CENPO: variants seen among roughly 807,000 people sequenced by gnomAD.
CENPO encodes centromeric protein O.
CENPO carries 30 observed loss-of-function variants against 36.1 expected under a neutral mutation model. The observed-to-expected ratio is 0.83, with a 90% confidence interval of 0.62 to 1.13. The LOEUF (loss-of-function observed/expected upper bound fraction) is 1.13. Among genes scored for constraint, CENPO ranks in the 50% most tolerant of loss-of-function variants. The pLI is 0.00. For synonymous variants in CENPO, 171 were observed against 142.3 expected (o/e 1.20, Z -1.44); for missense variants, 349 against 357.8 (o/e 0.98, Z 0.20).
intron 2 of CENPO, 121 bp downstream of exon 2, chr2:24,794,086 G>A (rs962305357): frequency 7.5e-6 from 6 of 800,872 alleles, no homozygotes; most frequent in Non-Finnish European, 1.3e-5. Flanking sequence ...AATAGTGAAA[G>A]GAACTAACAT....
intron 6 of CENPO, among the ~76,000 whole-genome samples, chr2:24,817,443 T>C (rs1666990272): frequency 8.2e-6 from 1 of 121,902 alleles, no homozygotes; most frequent in Non-Finnish European, 1.6e-5. Context: ...ATTGGTCCAG[T>C]AAGGGGCAGC....
intron 2 of CENPO, 146 bp downstream of exon 2, chr2:24,794,111 C>T (rs1237394518): frequency 1.4e-6 from 1 of 710,466 alleles, no homozygotes; most frequent in Non-Finnish European, 2.5e-6. Flanking sequence ...GACAAAGGGA[C>T]AGGCAGCCAA....
intron 3 of CENPO, among the ~76,000 whole-genome samples, chr2:24,813,460 A>C (rs1666795150): frequency 6.6e-6 from 1 of 152,054 alleles, no homozygotes; most frequent in Non-Finnish European, 1.5e-5. Context: ...TGGGTCTATT[A>C]AGGCTCCTGT....
chr2:24,801,289 C>G (rs1180326392), intron 3 of CENPO, among the ~76,000 whole-genome samples: 2 of 152,182 alleles, frequency 1.3e-5, no homozygotes, highest in Non-Finnish European at 2.9e-5. Context: ...CCTGTTCACT[C>G]TGATGGTAGT....
At chr2:24,795,633 G>C (rs930373962) in intron 2 of CENPO, among the ~76,000 whole-genome samples, 28 of 152,184 alleles carry the variant, frequency 1.8e-4, no homozygotes. Context: ...ACTTATCTCA[G>C]AAACTTTGGG....
chr2:24,800,233 C>T (rs969456444), intron 3 of CENPO, among the ~76,000 whole-genome samples: 4 of 152,136 alleles, frequency 2.6e-5, no homozygotes, highest in African/African-American at 7.2e-5. Flanking sequence ...GAGCTGAGAT[C>T]GAGCCACTGC....
At chr2:24,814,620 T>A (rs1666855255) in intron 4 of CENPO, 127 bp downstream of exon 4, 6 of 545,520 alleles carry the variant, frequency 1.1e-5, no homozygotes, top group Admixed American at 2.9e-5. Flanking sequence ...CCCTCATCAC[T>A]CACACACACA....
chr2:24,793,851 G>C lies in CENPO; in HGVS notation c.-68-1G>C. The C allele has an allele frequency of 1.2e-6, 2 of 1,611,072 alleles. No individual in the cohort carries two copies. The highest frequency in any genetic ancestry group is 1.7e-6 in the Non-Finnish European group (2 of 1,177,442). Reference sequence around the variant, plus strand: ...GACTGTTGCCATTTTTCTTTTATTAGCAAGGACATTGGAGTCCCTATCACC... The same window carrying C: ...GACTGTTGCCATTTTTCTTTTATTACCAAGGACATTGGAGTCCCTATCACC... On this transcript the variant is annotated splice_acceptor_variant, in intron 1 of 7. Coordinates refer to ENST00000380834, the MANE Select transcript of CENPO (RefSeq NM_001322101.2). LOFTEE classifies it low-confidence loss of function (5UTR_SPLICE).
At chr2:24,807,015 A>G (rs376248452) in intron 3 of CENPO, among the ~76,000 whole-genome samples, 3 of 152,162 alleles carry the variant, frequency 2.0e-5, no homozygotes, top group South Asian at 2.1e-4. Flanking sequence ...TGCTTTTCCA[A>G]TAAATCCTGC....
intron 3 of CENPO, among the ~76,000 whole-genome samples, chr2:24,808,449 G>A (rs908914100): frequency 6.6e-6 from 1 of 152,080 alleles, no homozygotes; most frequent in African/African-American, 2.4e-5. Flanking sequence ...TTATCCACCC[G>A]CCTCAGCCTC....
chr2:24,800,027 T>A (rs535092502), intron 3 of CENPO, among the ~76,000 whole-genome samples, 183 bp downstream of exon 3: 1 of 152,244 alleles, frequency 6.6e-6, no homozygotes, highest in African/African-American at 2.4e-5. Flanking sequence ...GGCTCATGCC[T>A]GTAATCCCAG....
chr2:24,804,488 T>G (rs1441044413), intron 3 of CENPO, among the ~76,000 whole-genome samples: 2 of 152,158 alleles, frequency 1.3e-5, no homozygotes, highest in Non-Finnish European at 2.9e-5. Context: ...CCACGTTTAG[T>G]GCTTCCTTCA....
intron 4 of CENPO, among the ~76,000 whole-genome samples, chr2:24,815,030 G>A (rs1167633746): frequency 1.3e-5 from 2 of 151,964 alleles, no homozygotes; most frequent in Non-Finnish European, 2.9e-5. Flanking sequence ...TTGAGTCCAG[G>A]AGTTCGAGAC....
chr2:24,805,905 A>G (rs1222356980), intron 3 of CENPO, among the ~76,000 whole-genome samples: 4 of 152,204 alleles, frequency 2.6e-5, no homozygotes, highest in Non-Finnish European at 4.4e-5. Context: ...TTGTTTTGCT[A>G]TGCCCTGCCC....
intron 6 of CENPO, 150 bp downstream of exon 6, chr2:24,816,967 C>A: frequency 1.6e-6 from 1 of 633,954 alleles, no homozygotes; most frequent in East Asian, 3.2e-5. Flanking sequence ...ATAGAACATT[C>A]TTGTTTCTAC....
intron 3 of CENPO, among the ~76,000 whole-genome samples, chr2:24,811,299 T>TTTTTTTTTTTTTGTGG (rs1666672731): frequency 7.1e-6 from 1 of 141,196 alleles, no homozygotes. Flanking sequence ...TTTTTTTTTT[T>TTTTTTTTTTTTTGTGG]GAGACGGAGC....
chr2:24,821,811 T>A lies in CENPO; in HGVS notation c.*2493T>A, dbSNP rs1667767375. On this transcript the variant is annotated 3_prime_UTR_variant, in exon 8 of 8. Coordinates refer to ENST00000380834, the MANE Select transcript of CENPO (RefSeq NM_001322101.2). ...CCACGCTAGCTCTGACTTGCCACTG[T>A]GACAAAGTTCACGTAGCAGGTCTAG... The A allele has an allele frequency of 2.2e-5, 21 of 965,736 alleles. No homozygotes were observed. Among genetic ancestry groups the A allele is most frequent in the Non-Finnish European group, 3.2e-5 (21 of 665,938 alleles). The allele number at this position is 965,736 out of a possible 1,614,324, so 59.8% of individuals were successfully genotyped here.
chr2:24,816,329 CTTAAA>C, intron 5 of CENPO: 1 of 251,386 alleles, frequency 4.0e-6, no homozygotes, highest in Non-Finnish European at 7.5e-6. Flanking sequence ...GTAGATTTAA[CTTAAA>C]TTGAAATGTG....
chr2:24,810,236 T>A (rs868288275), intron 3 of CENPO, among the ~76,000 whole-genome samples: 6 of 152,116 alleles, frequency 3.9e-5, no homozygotes, highest in Non-Finnish European at 4.4e-5. Flanking sequence ...GACTTTTTTT[T>A]ATTATGAAAT....
Sources: gnomAD v4.1 joint callset for allele counts (sites outside exome capture counted in the v4.1 genomes callset) on GRCh38, gnomAD v4.1.1 for gene constraint, MANE v1.5 for transcripts, NCBI Gene and HGNC (gene_info 2026-07-23, HGNC 2026-07-21) for gene names.